Variants in PAK1 observed in about 807,000 individuals in gnomAD.
PAK1 encodes the protein serine/threonine-protein kinase PAK 1.
Under a neutral mutation model 67.4 loss-of-function variants are expected in PAK1, and 29 were observed. The ratio of observed to expected loss-of-function variants is 0.43; its 90% CI spans 0.32 to 0.59. PAK1 has a LOEUF of 0.59. Among genes scored for constraint, PAK1 ranks in the 20% least tolerant of loss-of-function variants. The probability of loss-of-function intolerance (pLI) is 0.07; values close to 1 mark genes in which losing one functional copy is unlikely to be tolerated. For missense variants in PAK1, 337 were observed against 670.7 expected (o/e 0.50, Z 5.50); for synonymous variants, 223 against 237.4 (o/e 0.94, Z 0.56).
intron 9 of PAK1, among the ~76,000 whole-genome samples, chr11:77,345,250 C>T (rs1169986564): frequency 6.6e-6 from 1 of 151,814 alleles, no homozygotes; most frequent in Non-Finnish European, 1.5e-5. Flanking sequence ...CCTTTACACA[C>T]AGAGTTGGTG....
intron 1 of PAK1, among the ~76,000 whole-genome samples, chr11:77,470,938 T>C (rs1221050289): frequency 6.6e-6 from 1 of 152,072 alleles, no homozygotes; most frequent in South Asian, 2.1e-4. Context: ...CTAAAATGAA[T>C]CCCCCAAAAA....
chr11:77,383,688 T>C (rs747126834), intron 2 of PAK1, among the ~76,000 whole-genome samples: 6 of 152,104 alleles, frequency 3.9e-5, no homozygotes, highest in Non-Finnish European at 8.8e-5. Context: ...AAAACAGGAT[T>C]CAAGAGGCAG....
chr11:77,405,450 T>A (rs1390353618), intron 1 of PAK1, among the ~76,000 whole-genome samples: 1 of 151,868 alleles, frequency 6.6e-6, no homozygotes. Context: ...AGGTGAAAAC[T>A]AATGGTGGCT....
In PAK1 at chr11:77,332,804, T is replaced by C. The variant is rs969130942; in HGVS notation, c.1477A>G (p.Ile493Val). Reference protein sequence around the residue: ...ELQNPEKLSAIFRDFLNRCLE... With the variant: ...ELQNPEKLSAVFRDFLNRCLE... ...CAGCGGTTCAGAAAGTCCCGGAAGA[T>C]AGCTGACAGCTTCTCTGGGTTCTGA... The change falls in exon 14 of 15, where the codon ATC becomes GTC. Residue 493 changes from isoleucine to valine, a missense_variant. Around this residue, in one of 8 missense-constraint regions of PAK1, gnomAD observed 71 missense variants for 160.5 expected, o/e 0.44. Transcript: ENST00000356341. The C allele has an allele frequency of 3.1e-6, 5 of 1,613,194 alleles. No individual in the cohort carries two copies. In the East Asian group the frequency reaches 6.7e-5, roughly 22 times the overall value.
chr11:77,470,333 C>A (rs28561651), intron 1 of PAK1, among the ~76,000 whole-genome samples: 7 of 152,140 alleles, frequency 4.6e-5, no homozygotes, highest in African/African-American at 7.2e-5. Flanking sequence ...CTTTCTCCCC[C>A]CCTTTATGAT....
At chr11:77,527,385 G>A in the PAK1 span, among the ~76,000 whole-genome samples, 135 of 152,326 alleles carry the variant, frequency 8.9e-4, no homozygotes, top group South Asian at 6.2e-3. Context: ...TTACAGGCCT[G>A]TGCCACCGTA....
At chr11:77,406,971 C>T (rs1283691744) in intron 1 of PAK1, among the ~76,000 whole-genome samples, 1 of 151,960 alleles carries the variant, frequency 6.6e-6, no homozygotes, top group Non-Finnish European at 1.5e-5. Flanking sequence ...GAAGAGGGGC[C>T]CTTAACAGCC....
intron 9 of PAK1, among the ~76,000 whole-genome samples, chr11:77,344,873 C>G (rs1359611000): frequency 6.6e-6 from 1 of 152,182 alleles, no homozygotes; most frequent in Non-Finnish European, 1.5e-5. Context: ...TTCTCATGAT[C>G]TGGCCCCTAC....
intron 1 of PAK1, among the ~76,000 whole-genome samples, chr11:77,421,107 T>C (rs1231430094): frequency 6.6e-6 from 1 of 152,128 alleles, no homozygotes; most frequent in African/African-American, 2.4e-5. Flanking sequence ...TAGAAAAACA[T>C]ACAAGGCCTT....
Position 77,390,663 on chromosome 11 carries a change from C to CTTT in PAK1, c.190+1665_190+1667dup, listed in dbSNP as rs56816970. 1.1e-4 allele frequency among the ~76,000 whole-genome samples: 14 copies of CTTT among 132,762 alleles called. 1 individual carries two copies. Among genetic ancestry groups the CTTT allele is most frequent in the South Asian group, 2.5e-4 (1 of 4,022 alleles). 87.1% of individuals were successfully genotyped at this position (132,762 alleles called of 152,430 possible). A position where few individuals can be genotyped will look rare whatever the true frequency, so the allele number is the denominator to read the frequency against. On this transcript the variant is annotated intron_variant, in intron 2 of 14. Coordinates refer to ENST00000356341, the MANE Select transcript of PAK1 (RefSeq NM_002576.5). ...AGGCACACGCCACCATGCCCGACTC[C>CTTT]TTTTTTTTTTTTTTTTTTAGTAGAG...
chr11:77,332,104 A>T (rs571583125), intron 14 of PAK1, among the ~76,000 whole-genome samples: 7 of 151,480 alleles, frequency 4.6e-5, no homozygotes, highest in African/African-American at 1.5e-4. Context: ...GGAATTTGAG[A>T]CCATGCACGG....
At chr11:77,431,821 T>C (rs553370542) in intron 1 of PAK1, among the ~76,000 whole-genome samples, 9 of 152,214 alleles carry the variant, frequency 5.9e-5, no homozygotes, top group Non-Finnish European at 1.3e-4. Flanking sequence ...GTGAAGCTGA[T>C]ATCTGGAGAA....
the PAK1 span, among the ~76,000 whole-genome samples, chr11:77,500,674 G>A: frequency 2.0e-5 from 3 of 151,570 alleles, no homozygotes; most frequent in Non-Finnish European, 4.4e-5. Flanking sequence ...ACTGAGACTT[G>A]TCTCCACACA....
chr11:77,359,804 A>C (rs889265887), intron 5 of PAK1, among the ~76,000 whole-genome samples: 10 of 152,158 alleles, frequency 6.6e-5, no homozygotes, highest in African/African-American at 2.2e-4. Context: ...TATTACACAG[A>C]ATTAAGAGAC....
chr11:77,399,331 G>A (rs1025668403), intron 1 of PAK1, among the ~76,000 whole-genome samples: 2 of 152,174 alleles, frequency 1.3e-5, no homozygotes, highest in Non-Finnish European at 2.9e-5. Flanking sequence ...AAACACACAT[G>A]AAAGAAATGT....
chr11:77,324,328 A>G (rs1939167069), intron 14 of PAK1, among the ~76,000 whole-genome samples: 2 of 151,856 alleles, frequency 1.3e-5, no homozygotes, highest in Admixed American at 1.3e-4. Flanking sequence ...GCCCGCCACC[A>G]CACCTGGCTA....
At chr11:77,527,063 A>G in the PAK1 span, among the ~76,000 whole-genome samples, 2 of 152,306 alleles carry the variant, frequency 1.3e-5, no homozygotes, top group South Asian at 4.1e-4. Context: ...AAAGGAAATT[A>G]AGAATAAGTG....
In PAK1 at chr11:77,322,676, C is replaced by T; in HGVS notation, c.*598G>A. ...ACTATTGGGTCAAGGTCCTCCCGAACAGCTGCTAGAAGCACACACAAAGAA... is the reference window on the plus strand; with the variant it reads ...ACTATTGGGTCAAGGTCCTCCCGAATAGCTGCTAGAAGCACACACAAAGAA... On this transcript the variant is annotated 3_prime_UTR_variant, in exon 15 of 15. Transcript: ENST00000356341. 4.0e-6 allele frequency: 1 copy of T among 250,760 alleles called. No individual in the cohort carries two copies. Among genetic ancestry groups the T allele is most frequent in the Non-Finnish European group, 7.9e-6 (1 of 127,274 alleles). 15.5% of individuals were successfully genotyped at this position (250,760 alleles called of 1,614,324 possible).
intron 1 of PAK1, among the ~76,000 whole-genome samples, chr11:77,421,814 G>A (rs1331404799): frequency 2.0e-5 from 3 of 152,214 alleles, no homozygotes; most frequent in African/African-American, 7.2e-5. Context: ...AAGGGAGGAA[G>A]AAATGGAGAA....
Sources: gnomAD v4.1 joint callset for allele counts (sites outside exome capture counted in the v4.1 genomes callset) on GRCh38, gnomAD v4.1.1 for gene constraint, gnomAD v4.1.1 regional missense constraint, MANE v1.5 for transcripts, NCBI Gene and HGNC (gene_info 2026-07-23, HGNC 2026-07-21) for gene names.